The following SYTL3 variants were observed in gnomAD, a reference collection of about 807,000 sequenced individuals.
SYTL3 encodes the protein synaptotagmin like 3, also known as synaptotagmin-like protein 3.
In SYTL3, 88 loss-of-function variants were observed where a neutral mutation model predicts 82.1. The observed-to-expected ratio is 1.07, with a 90% CI of 0.90 to 1.28. The LOEUF (loss-of-function observed/expected upper bound fraction) is 1.28, where lower values mean the gene tolerates loss of function less well. Among genes scored for constraint, SYTL3 ranks in the 50% most tolerant of loss-of-function variants. The pLI is 0.00. For missense variants in SYTL3, 831 were observed against 757.6 expected (o/e 1.10, Z -1.14); for synonymous variants, 311 against 289.4 (o/e 1.07, Z -0.76).
chr6:158,709,071 A>G (rs1782455759), intron 8 of SYTL3, among the ~76,000 whole-genome samples: 1 of 152,178 alleles, frequency 6.6e-6, no homozygotes, highest in African/African-American at 2.4e-5. Context: ...TGTCTCTACT[A>G]AAAATACAAA....
intron 9 of SYTL3, among the ~76,000 whole-genome samples, chr6:158,716,963 T>TA (rs1287800035): frequency 3.3e-5 from 5 of 152,238 alleles, no homozygotes; most frequent in Non-Finnish European, 7.3e-5. Context: ...ATTTTGGATA[T>TA]ATTGTGTTAA....
chr6:158,715,255 C>G (rs1783226318), intron 9 of SYTL3, among the ~76,000 whole-genome samples: 1 of 152,126 alleles, frequency 6.6e-6, no homozygotes, highest in Non-Finnish European at 1.5e-5. Flanking sequence ...TGTGAATTGT[C>G]TTCCACCACT....
upstream of SYTL3, among the ~76,000 whole-genome samples, chr6:158,645,586 AC>A (rs1457944301): frequency 6.6e-6 from 1 of 152,166 alleles, no homozygotes; most frequent in African/African-American, 2.4e-5. Context: ...GTAGACCTAA[AC>A]TTCAAATCCC....
intron 5 of SYTL3, among the ~76,000 whole-genome samples, chr6:158,666,296 C>T (rs1562351613): frequency 1.3e-5 from 2 of 152,140 alleles, no homozygotes; most frequent in Non-Finnish European, 2.9e-5. Flanking sequence ...GTCTTTAATA[C>T]TCAGCTAAAG....
chr6:158,727,495 A>C (rs142657942), intron 11 of SYTL3, among the ~76,000 whole-genome samples: 6 of 152,166 alleles, frequency 3.9e-5, no homozygotes, highest in Non-Finnish European at 5.9e-5. Context: ...TTCCTTTTAA[A>C]TGGGTCAAAC....
intron 6 of SYTL3, among the ~76,000 whole-genome samples, chr6:158,698,132 C>A (rs1308290803): frequency 6.6e-6 from 1 of 152,102 alleles, no homozygotes; most frequent in Non-Finnish European, 1.5e-5. Context: ...TGTGGTGGCT[C>A]ACGCCTGTAA....
intron 5 of SYTL3, among the ~76,000 whole-genome samples, chr6:158,680,842 G>C (rs1778607343): frequency 6.6e-6 from 1 of 151,494 alleles, no homozygotes; most frequent in Admixed American, 6.6e-5. Context: ...GTACTAATCA[G>C]AAAATAGTAG....
chr6:158,722,476 C>T (rs938905302), intron 10 of SYTL3, among the ~76,000 whole-genome samples: 3 of 152,190 alleles, frequency 2.0e-5, no homozygotes, highest in African/African-American at 4.8e-5. Flanking sequence ...TTCCACACCA[C>T]TTCTCTGTTA....
At chr6:158,714,104 G>C (rs957082369) in intron 9 of SYTL3, among the ~76,000 whole-genome samples, 7 of 152,198 alleles carry the variant, frequency 4.6e-5, no homozygotes, top group Non-Finnish European at 1.0e-4. Context: ...TGTAATCCAA[G>C]CACTTTGGGA....
intron 2 of SYTL3, among the ~76,000 whole-genome samples, chr6:158,652,507 C>T (rs1788141933): frequency 6.6e-6 from 1 of 151,962 alleles, no homozygotes; most frequent in African/African-American, 2.4e-5. Flanking sequence ...CCTCGTCCTC[C>T]CAAAGTGCTG....
chr6:158,660,220 G>T (rs187685032), intron 2 of SYTL3, among the ~76,000 whole-genome samples: 1 of 151,976 alleles, frequency 6.6e-6, no homozygotes, highest in East Asian at 1.9e-4. Flanking sequence ...AGCCGAGATC[G>T]CACCACTGCA....
intron 6 of SYTL3, among the ~76,000 whole-genome samples, chr6:158,687,103 C>T (rs934364506): frequency 1.3e-5 from 2 of 152,220 alleles, no homozygotes; most frequent in African/African-American, 4.8e-5. Context: ...CAGTCTGTGC[C>T]TCTTTCCACG....
At chr6:158,705,527 A>C in intron 6 of SYTL3, among the ~76,000 whole-genome samples, 1 of 116,848 alleles carries the variant, frequency 8.6e-6, no homozygotes, top group Non-Finnish European at 1.9e-5. Context: ...AACCCGGGGC[A>C]GGGTAACACT....
intron 10 of SYTL3, among the ~76,000 whole-genome samples, chr6:158,720,459 C>T (rs886212087): frequency 6.7e-6 from 1 of 149,590 alleles, no homozygotes; most frequent in African/African-American, 2.5e-5. Flanking sequence ...ACCAACGTGC[C>T]TAATGTCACA....
Position 158,732,831 on chromosome 6 carries a change from T to C in SYTL3, c.855+7194T>C, listed in dbSNP as rs1363971473. Among the ~76,000 whole-genome samples the C allele has an allele frequency of 5.3e-5, 8 of 152,304 alleles. No homozygotes were observed. The East Asian group carries it at 1.3e-3, about 26-fold the overall frequency. On this transcript the variant is annotated intron_variant, in intron 11 of 17. Coordinates refer to ENST00000611299, the MANE Select transcript of SYTL3 (RefSeq NM_001242394.2). Reference sequence around the variant, plus strand: ...ACACTCTGCCAAATAATTAAAGCAGTACTTATGCTGTAGTTCAATTGGCTA... The same window carrying C: ...ACACTCTGCCAAATAATTAAAGCAGCACTTATGCTGTAGTTCAATTGGCTA...
At chr6:158,654,736 G>C (rs1788460218) in intron 2 of SYTL3, among the ~76,000 whole-genome samples, 1 of 152,188 alleles carries the variant, frequency 6.6e-6, no homozygotes, top group Admixed American at 6.5e-5. Flanking sequence ...GCTGGCCTGA[G>C]AGCACGTGGC....
chr6:158,653,144 G>C (rs920989447), intron 2 of SYTL3, among the ~76,000 whole-genome samples: 1 of 152,148 alleles, frequency 6.6e-6, no homozygotes, highest in Non-Finnish European at 1.5e-5. Context: ...CTATGAATAG[G>C]GAACTGAGCT....
intron 5 of SYTL3, 134 bp from the exon 6 acceptor site, chr6:158,682,791 T>G: frequency 1.5e-6 from 1 of 650,980 alleles, no homozygotes; most frequent in Non-Finnish European, 2.7e-6. Context: ...TTTAAGTGTT[T>G]AAGCCAGGAA....
chr6:158,695,252 A>G (rs1780434505), intron 6 of SYTL3, among the ~76,000 whole-genome samples: 1 of 152,222 alleles, frequency 6.6e-6, no homozygotes. Context: ...AGATCAGTTG[A>G]TAAAATACAA....
Sources: allele counts gnomAD v4.1 joint callset (sites outside exome capture counted in the v4.1 genomes callset), GRCh38; gene constraint gnomAD v4.1.1; transcripts MANE v1.5; gene names NCBI Gene and HGNC (gene_info 2026-07-23, HGNC 2026-07-21).